The following OTOGL variants were observed in gnomAD, a reference collection of about 807,000 sequenced individuals.
OTOGL encodes otogelin like, also known as otogelin-like protein.
Under a neutral mutation model 318.5 loss-of-function variants are expected in OTOGL, and 285 were observed. The observed-to-expected ratio is 0.89, with a 90% confidence interval of 0.81 to 0.99. The LOEUF is 0.99. Ranked by LOEUF, OTOGL falls within the 50% of genes least tolerant of loss-of-function variation. OTOGL has a pLI of 0.00. For synonymous variants in OTOGL, 987 were observed against 936.5 expected, an observed-to-expected ratio of 1.05 and a Z score of -0.99; for missense variants, 2,899 against 2,845.6, an observed-to-expected ratio of 1.02 and a Z score of -0.43.
chr12:80,130,366 G>A (rs1342650620), intron 1 of OTOGL, among the ~76,000 whole-genome samples: 1 of 152,318 alleles, frequency 6.6e-6, no homozygotes, highest in East Asian at 1.9e-4. Flanking sequence ...AGTCTGAAAT[G>A]TTGATTAGAT....
chr12:80,270,092 T>C lies in OTOGL; in HGVS notation c.2466-10T>C, dbSNP rs1296927554. On this transcript the variant is annotated splice_polypyrimidine_tract_variant and intron_variant, in intron 22 of 58. Transcript: ENST00000547103. ...TTGGTTCCATAAATTAACTATTTAT[T>C]TACTTCTAGCCAGTGTTCAAATGGG... 6.3e-7 allele frequency: 1 copy of C among 1,581,434 alleles called. No individual in the cohort carries two copies. Among genetic ancestry groups the C allele is most frequent in the South Asian group, 1.1e-5 (1 of 87,132 alleles).
At chr12:80,223,576 A>G (rs1878559708) in intron 7 of OTOGL, among the ~76,000 whole-genome samples, 1 of 152,142 alleles carries the variant, frequency 6.6e-6, no homozygotes, top group Non-Finnish European at 1.5e-5. Context: ...TTTTCACCAC[A>G]TCCATACCAA....
intron 11 of OTOGL, among the ~76,000 whole-genome samples, chr12:80,241,705 C>A (rs1565922239): frequency 6.6e-6 from 1 of 152,030 alleles, no homozygotes. Flanking sequence ...TGTTGTTTAG[C>A]CGCTTCAACA....
At chr12:80,315,040 A>T (rs899907148) in intron 32 of OTOGL, among the ~76,000 whole-genome samples, 1 of 152,190 alleles carries the variant, frequency 6.6e-6, no homozygotes, top group African/African-American at 2.4e-5. Flanking sequence ...TTTTAGAAGT[A>T]GAGAATAGAA....
intron 26 of OTOGL, among the ~76,000 whole-genome samples, chr12:80,288,417 G>A (rs762767494): frequency 1.8e-4 from 28 of 152,088 alleles, no homozygotes; most frequent in African/African-American, 6.0e-4. Context: ...TGGTGTTCTC[G>A]TATTTCCTGA....
chr12:80,308,536 G>C (rs1332198917), intron 29 of OTOGL, among the ~76,000 whole-genome samples: 2 of 151,650 alleles, frequency 1.3e-5, no homozygotes, highest in Admixed American at 1.3e-4. Context: ...GCGGCCAGGC[G>C]GAGACGCTCC....
intron 35 of OTOGL, among the ~76,000 whole-genome samples, chr12:80,325,617 A>C (rs1187668510): frequency 2.6e-5 from 4 of 152,218 alleles, no homozygotes; most frequent in Admixed American, 2.6e-4. Flanking sequence ...TTAGTGTCTT[A>C]AAAATAAAAA....
chr12:80,219,804 TCCC>T lies in OTOGL; in HGVS notation c.236-7_236-5del. On this transcript the variant is annotated splice_region_variant and splice_polypyrimidine_tract_variant and intron_variant, in intron 5 of 58. Transcript: ENST00000547103. ...CCAGAAGATAACTTTTTTTTTTTTT[TCCC>T]CCTCAGGTTCTTGTCCTTATGAATG... The T allele has an allele frequency of 6.7e-7, 1 of 1,500,672 alleles. No homozygotes were observed. The highest frequency in any genetic ancestry group is 1.4e-5 in the African/African-American group (1 of 71,792). The allele number at this position is 1,500,672 out of a possible 1,614,324, so 93.0% of individuals were successfully genotyped here. A position where few individuals can be genotyped will look rare whatever the true frequency, so the allele number is the denominator to read the frequency against.
chr12:80,163,773 G>A (rs759648287), intron 1 of OTOGL, among the ~76,000 whole-genome samples: 1 of 152,070 alleles, frequency 6.6e-6, no homozygotes, highest in Non-Finnish European at 1.5e-5. Flanking sequence ...TTATGGCAAT[G>A]ACAGAGGAGC....
intron 55 of OTOGL, 98 bp from the exon 56 acceptor site, chr12:80,370,472 C>A: frequency 9.4e-7 from 1 of 1,061,804 alleles, no homozygotes; most frequent in Non-Finnish European, 1.3e-6. Flanking sequence ...GAAGCCTTTG[C>A]ATCTTGATTT....
At position 80,231,781 on chromosome 12, in the gene OTOGL, C is replaced by T. The variant is rs1203385641; in HGVS notation, c.612-1111C>T. On this transcript the variant is annotated intron_variant, in intron 8 of 58. Coordinates refer to ENST00000547103, the MANE Select transcript of OTOGL (RefSeq NM_001378609.3). The stretch of plus-strand genomic sequence containing the variant: ...TCCCAAGGAGCTGGGACTACAGGCA[C>T]GTGCACCATGACCAACTAATTTTTT... Among the ~76,000 whole-genome samples the T allele has an allele frequency of 2.6e-5, 4 of 151,736 alleles. No homozygotes were observed. The East Asian group carries it at 5.8e-4, about 22-fold the overall frequency.
intron 6 of OTOGL, among the ~76,000 whole-genome samples, chr12:80,221,783 T>C (rs1878366479): frequency 6.6e-6 from 1 of 152,212 alleles, no homozygotes; most frequent in Admixed American, 6.5e-5. Flanking sequence ...GCTTTATTAC[T>C]ATCACCTTTT....
chr12:80,284,012 T>C (rs1234430665), intron 26 of OTOGL, among the ~76,000 whole-genome samples: 1 of 152,118 alleles, frequency 6.6e-6, no homozygotes, highest in African/African-American at 2.4e-5. Context: ...TTTGTCCTAA[T>C]GCTCTCCCTC....
intron 24 of OTOGL, 56 bp downstream of exon 24, chr12:80,271,866 C>G: frequency 6.6e-7 from 1 of 1,520,862 alleles, no homozygotes; most frequent in Non-Finnish European, 9.0e-7. Context: ...AGCACAATAT[C>G]TCCTGAAAAC....
intron 1 of OTOGL, among the ~76,000 whole-genome samples, chr12:80,125,871 G>T (rs1471611499): frequency 2.6e-5 from 4 of 152,080 alleles, no homozygotes; most frequent in African/African-American, 9.7e-5. Context: ...ATTTCTGTGG[G>T]ATCGGTGGTG....
chr12:80,116,629 AG>A (rs1870183516), intron 1 of OTOGL, among the ~76,000 whole-genome samples: 2 of 152,160 alleles, frequency 1.3e-5, no homozygotes, highest in South Asian at 4.1e-4. Flanking sequence ...GTGAGGCAAA[AG>A]CTTAGATGAA....
Position 80,257,923 on chromosome 12 carries a change from A to G in OTOGL, c.1810A>G (p.Ile604Val). 6.3e-7 allele frequency: 1 copy of G among 1,598,356 alleles called. No homozygotes were observed. The highest frequency in any genetic ancestry group is 8.5e-7 in the Non-Finnish European group (1 of 1,179,214). The change falls in exon 18 of 59, where the codon ATT becomes GTT. Residue 604 changes from isoleucine (I) to valine (V), a missense_variant. Coordinates refer to ENST00000547103, the MANE Select transcript of OTOGL (RefSeq NM_001378609.3). ...TGCTATAGATGGGGAAAGAATTTAT[A>G]TTCAGCTTACTAGCGCATGGAAAAG... ...LFAIDGERIY[I>V]QLTSAWKRRT...
chr12:80,351,714 A>C (rs1231299551), intron 44 of OTOGL, among the ~76,000 whole-genome samples: 3 of 152,188 alleles, frequency 2.0e-5, no homozygotes, highest in Non-Finnish European at 4.4e-5. Flanking sequence ...TTGAATAATG[A>C]GTTGAGAGAA....
At chr12:80,302,263 A>G (rs1231999565) in intron 27 of OTOGL, among the ~76,000 whole-genome samples, 2 of 152,242 alleles carry the variant, frequency 1.3e-5, no homozygotes, top group African/African-American at 4.8e-5. Context: ...GGGCAAGGCC[A>G]TACCTTTTTT....
Sources: gnomAD v4.1 joint callset for allele counts (sites outside exome capture counted in the v4.1 genomes callset) on GRCh38, gnomAD v4.1.1 for gene constraint, MANE v1.5 for transcripts, NCBI Gene and HGNC (gene_info 2026-07-23, HGNC 2026-07-21) for gene names.